Variants in CNBD1 observed in about 807,000 individuals in gnomAD.
CNBD1 encodes cyclic nucleotide binding domain containing 1.
In CNBD1, 71 loss-of-function variants were observed where a neutral mutation model predicts 54.4. That is an observed-to-expected ratio of 1.30 (90% CI 1.08 to 1.59). The LOEUF (loss-of-function observed/expected upper bound fraction) is 1.59. Among genes scored for constraint, CNBD1 ranks in the 40% most tolerant of loss-of-function variants. The pLI is 0.00. For missense variants in CNBD1, 659 were observed against 518.0 expected, an observed-to-expected ratio of 1.27 and a Z score of -2.64; for synonymous variants, 182 against 170.7, an observed-to-expected ratio of 1.07 and a Z score of -0.51.
intron 8 of CNBD1, 29 bp downstream of exon 8, chr8:87,286,700 G>T: frequency 6.7e-7 from 1 of 1,486,436 alleles, no homozygotes; most frequent in East Asian, 2.5e-5. Flanking sequence ...AGATCATTTT[G>T]TTTGCATTCT....
At chr8:87,276,979 AT>A (rs10583347) in intron 6 of CNBD1, among the ~76,000 whole-genome samples, 1,757 of 79,644 alleles carry the variant, frequency 0.022, 28 homozygotes, top group African/African-American at 0.073. Context: ...TTGAATAATT[AT>A]TTTTTTTTTT....
At chr8:87,180,917 G>A (rs1269097402) in intron 4 of CNBD1, among the ~76,000 whole-genome samples, 2 of 151,988 alleles carry the variant, frequency 1.3e-5, no homozygotes, top group Non-Finnish European at 2.9e-5. Flanking sequence ...AACAAGTATC[G>A]AGGGTCTTTG....
intron 5 of CNBD1, among the ~76,000 whole-genome samples, chr8:87,225,021 C>T (rs1410494965): frequency 2.0e-5 from 3 of 151,878 alleles, no homozygotes; most frequent in Non-Finnish European, 4.4e-5. Flanking sequence ...AATGGGAGTT[C>T]ACTCGTGATT....
At chr8:86,921,847 C>T (rs753593642) in intron 3 of CNBD1, among the ~76,000 whole-genome samples, 1 of 152,102 alleles carries the variant, frequency 6.6e-6, no homozygotes, top group Non-Finnish European at 1.5e-5. Context: ...ATACACTGAG[C>T]ACCAACTGTG....
At chr8:87,147,462 A>T (rs1474029563) in intron 4 of CNBD1, among the ~76,000 whole-genome samples, 1 of 151,926 alleles carries the variant, frequency 6.6e-6, no homozygotes, top group East Asian at 1.9e-4. Flanking sequence ...AATTTTGTTA[A>T]TGTGATTGCT....
chr8:87,102,197 T>A (rs1811442479), intron 4 of CNBD1, among the ~76,000 whole-genome samples: 1 of 152,114 alleles, frequency 6.6e-6, no homozygotes, highest in African/African-American at 2.4e-5. Context: ...CAGAATTTTT[T>A]ATGTTGATGG....
chr8:86,906,345 G>A (rs1451108747), intron 3 of CNBD1, among the ~76,000 whole-genome samples: 1 of 152,100 alleles, frequency 6.6e-6, no homozygotes, highest in African/African-American at 2.4e-5. Flanking sequence ...AGTTGACTGG[G>A]AAAAATCTCT....
intron 4 of CNBD1, among the ~76,000 whole-genome samples, chr8:86,970,879 C>A (rs1255414636): frequency 6.6e-6 from 1 of 152,120 alleles, no homozygotes; most frequent in Non-Finnish European, 1.5e-5. Context: ...TAGGTTGATT[C>A]CATGTCTTGG....
intron 2 of CNBD1, among the ~76,000 whole-genome samples, chr8:87,404,925 G>T (rs1213874628): frequency 6.6e-6 from 1 of 151,940 alleles, no homozygotes; most frequent in African/African-American, 2.4e-5. Context: ...CTGTATGTAC[G>T]TATCTAGGCC....
chr8:87,152,857 A>G (rs1812635771), intron 4 of CNBD1, among the ~76,000 whole-genome samples: 1 of 152,192 alleles, frequency 6.6e-6, no homozygotes, highest in Non-Finnish European at 1.5e-5. Flanking sequence ...GAGCCATTGT[A>G]GTTTTAGGAA....
At chr8:87,172,262 T>A (rs574973002) in intron 4 of CNBD1, among the ~76,000 whole-genome samples, 1 of 152,272 alleles carries the variant, frequency 6.6e-6, no homozygotes, top group South Asian at 2.1e-4. Flanking sequence ...TTTTTCTGAA[T>A]GTTTTAAGAC....
At chr8:87,055,475 A>G (rs1032877679) in intron 4 of CNBD1, among the ~76,000 whole-genome samples, 1 of 151,380 alleles carries the variant, frequency 6.6e-6, no homozygotes, top group Non-Finnish European at 1.5e-5. Context: ...GAAACCCACC[A>G]TGTTAATGTC....
chr8:87,042,355 G>T (rs939806165), intron 4 of CNBD1, among the ~76,000 whole-genome samples: 1 of 152,116 alleles, frequency 6.6e-6, no homozygotes, highest in African/African-American at 2.4e-5. Context: ...TTAAAACCAC[G>T]GTCTTGAAAA....
intron 2 of CNBD1, among the ~76,000 whole-genome samples, chr8:87,409,709 G>T (rs1050523463): frequency 2.6e-5 from 4 of 152,070 alleles, no homozygotes; most frequent in African/African-American, 9.7e-5. Flanking sequence ...TGAAAACCCA[G>T]GGGCTTAAGA....
intron 2 of CNBD1, among the ~76,000 whole-genome samples, chr8:87,425,657 G>A (rs945648629): frequency 6.6e-6 from 1 of 152,140 alleles, no homozygotes; most frequent in African/African-American, 2.4e-5. Context: ...GGACCCACTT[G>A]AGGAGGCAGT....
At chr8:87,355,780 A>C (rs1586041760) in intron 10 of CNBD1, among the ~76,000 whole-genome samples, 1 of 152,136 alleles carries the variant, frequency 6.6e-6, no homozygotes, top group African/African-American at 2.4e-5. Flanking sequence ...ATTATGTTTT[A>C]TGTCTCTGAC....
intron 10 of CNBD1, among the ~76,000 whole-genome samples, chr8:87,354,953 G>A (rs566277023): frequency 1.3e-5 from 2 of 152,242 alleles, no homozygotes; most frequent in Non-Finnish European, 2.9e-5. Flanking sequence ...TCAGAGAAAT[G>A]CAAATCAAAA....
intron 8 of CNBD1, among the ~76,000 whole-genome samples, chr8:87,323,459 T>C (rs2130902189): frequency 7.8e-6 from 1 of 128,860 alleles, no homozygotes; most frequent in South Asian, 2.3e-4. Context: ...CTTCCATTTG[T>C]TTGTATCCTC....
At chr8:87,045,740 A>AC (rs1563447981) in intron 4 of CNBD1, among the ~76,000 whole-genome samples, 2 of 149,568 alleles carry the variant, frequency 1.3e-5, no homozygotes, top group Non-Finnish European at 1.5e-5. Flanking sequence ...AAAAAAAAAA[A>AC]AAAACAGTAC....
Sources: allele counts gnomAD v4.1 joint callset (sites outside exome capture counted in the v4.1 genomes callset), GRCh38; gene constraint gnomAD v4.1.1; transcripts MANE v1.5; gene names NCBI Gene and HGNC (gene_info 2026-07-23, HGNC 2026-07-21).